Variants in UBE2H observed in about 807,000 individuals in gnomAD.
UBE2H encodes the protein ubiquitin-conjugating enzyme E2 H.
UBE2H carries 3 observed loss-of-function variants against 29.0 expected under a neutral mutation model. That is an observed-to-expected ratio of 0.10 (90% confidence interval 0.05 to 0.27). UBE2H has a LOEUF of 0.27. Among genes scored for constraint, UBE2H ranks in the 10% least tolerant of loss-of-function variants. UBE2H has a pLI of 1.00. For missense variants in UBE2H, 68 were observed against 228.2 expected (o/e 0.30, Z 4.52); for synonymous variants, 69 against 82.9 (o/e 0.83, Z 0.91).
chr7:129,927,798 C>G (rs767151498), intron 1 of UBE2H, among the ~76,000 whole-genome samples: 1 of 151,990 alleles, frequency 6.6e-6, no homozygotes, highest in Non-Finnish European at 1.5e-5. Flanking sequence ...ATAGTGGTTA[C>G]TAGAGTCTGG....
At chr7:129,915,293 T>C (rs962181830) in intron 1 of UBE2H, among the ~76,000 whole-genome samples, 1 of 152,054 alleles carries the variant, frequency 6.6e-6, no homozygotes, top group African/African-American at 2.4e-5. Context: ...TCCCAGCACT[T>C]TGAGAGGTTG....
At chr7:129,839,623 T>C (rs1434800791) in intron 5 of UBE2H, 1 of 311,230 alleles carries the variant, frequency 3.2e-6, no homozygotes, top group Non-Finnish European at 6.0e-6. Context: ...CACACAGCCA[T>C]TTTCTACAGC....
chr7:129,920,848 C>CAAAAAAAAAAAAAAAAA (rs11347186), intron 1 of UBE2H, among the ~76,000 whole-genome samples: 5 of 73,998 alleles, frequency 6.8e-5, no homozygotes, highest in East Asian at 4.8e-4. Context: ...TAGAAAAAGT[C>CAAAAAAAAAAAAAAAAA]AAAAAAAAAA....
chr7:129,902,028 A>G (rs1327292889), intron 1 of UBE2H, among the ~76,000 whole-genome samples: 2 of 152,204 alleles, frequency 1.3e-5, no homozygotes, highest in African/African-American at 2.4e-5. Flanking sequence ...CCAACAGACA[A>G]CATTAAGTGT....
intron 1 of UBE2H, among the ~76,000 whole-genome samples, chr7:129,927,653 A>G (rs1300950658): frequency 6.6e-6 from 1 of 152,270 alleles, no homozygotes; most frequent in African/African-American, 2.4e-5. Flanking sequence ...ACCACATCTT[A>G]TAATTCCCAG....
chr7:129,837,789 A>C (rs1012913619), intron 6 of UBE2H, among the ~76,000 whole-genome samples: 4 of 152,202 alleles, frequency 2.6e-5, no homozygotes, highest in African/African-American at 9.6e-5. Context: ...TCTGATGGCC[A>C]TGATTTTCTG....
At chr7:129,942,543 T>C (rs1807669237) in intron 1 of UBE2H, among the ~76,000 whole-genome samples, 1 of 152,162 alleles carries the variant, frequency 6.6e-6, no homozygotes, top group African/African-American at 2.4e-5. Flanking sequence ...CTAACTCTTA[T>C]AGTCTGTTTC....
chr7:129,836,632 C>T (rs187853109), intron 6 of UBE2H, among the ~76,000 whole-genome samples: 103 of 152,254 alleles, frequency 6.8e-4, no homozygotes, highest in Middle Eastern at 3.4e-3. Flanking sequence ...GTAAACCCAG[C>T]ACTTTGGGAG....
intron 1 of UBE2H, among the ~76,000 whole-genome samples, chr7:129,887,857 TG>T (rs751805155): frequency 2.0e-5 from 3 of 152,058 alleles, no homozygotes; most frequent in Non-Finnish European, 4.4e-5. Context: ...CACTCCAGCC[TG>T]GGCAACAAGA....
rs1475388696 is a variant in UBE2H, at chr7:129,831,597, T to C, written c.*3340A>G. The C allele has an allele frequency of 6.6e-6, 1 of 152,046 alleles. No individual in the cohort carries two copies. The highest frequency in any genetic ancestry group is 1.5e-5 in the Non-Finnish European group (1 of 67,998). 9.4% of individuals were successfully genotyped at this position (152,046 alleles called of 1,614,324 possible). ...CAGTCAGAACAGCTTTTGAAGTGGATGAGAAATGTTAGGTACTGGAGAGAT... is the reference window on the plus strand; with the variant it reads ...CAGTCAGAACAGCTTTTGAAGTGGACGAGAAATGTTAGGTACTGGAGAGAT... On this transcript the variant is annotated 3_prime_UTR_variant, in exon 7 of 7. Coordinates refer to ENST00000355621, the MANE Select transcript of UBE2H (RefSeq NM_003344.4).
At chr7:129,867,723 C>CAAAAAAAAAAAAAAAAAAAAAAAAAAAA (rs1563027569) in intron 3 of UBE2H, among the ~76,000 whole-genome samples, 4 of 65,556 alleles carry the variant, frequency 6.1e-5, no homozygotes, top group Admixed American at 1.9e-4. Context: ...AAAAAGAAAA[C>CAAAAAAAAAAAAAAAAAAAAAAAAAAAA]CAAAAAAAAA....
intron 5 of UBE2H, among the ~76,000 whole-genome samples, chr7:129,841,215 G>GT (rs1354710821): frequency 6.6e-6 from 1 of 152,186 alleles, no homozygotes; most frequent in African/African-American, 2.4e-5. Context: ...CTCTGCCACT[G>GT]TAACACAAAA....
chr7:129,882,497 G>T (rs1806275437), intron 1 of UBE2H, among the ~76,000 whole-genome samples: 6 of 152,222 alleles, frequency 3.9e-5, no homozygotes, highest in Admixed American at 3.9e-4. Flanking sequence ...AAGAGGCCAG[G>T]TGTAATTTTG....
At chr7:129,925,259 AT>A (rs1807242786) in intron 1 of UBE2H, among the ~76,000 whole-genome samples, 3 of 152,192 alleles carry the variant, frequency 2.0e-5, no homozygotes, top group South Asian at 4.2e-4. Context: ...GACGAAGAGA[AT>A]TGCTTGAATC....
At chr7:129,952,467 C>G (rs369732926) in intron 1 of UBE2H, 36 bp downstream of exon 1, 9 of 1,607,714 alleles carry the variant, frequency 5.6e-6, no homozygotes, top group East Asian at 2.2e-5. Context: ...ACACCGCCCC[C>G]CACACACAGC....
intron 3 of UBE2H, among the ~76,000 whole-genome samples, chr7:129,879,046 C>T (rs887322148): frequency 5.3e-5 from 8 of 152,102 alleles, no homozygotes; most frequent in African/African-American, 1.9e-4. Context: ...CTTTGTACAA[C>T]CCCACTGAGG....
chr7:129,913,252 C>CAAAAAAAAAAAAAAAAAAAAAAACAAAAA (rs59869623), intron 1 of UBE2H, among the ~76,000 whole-genome samples: 1 of 75,544 alleles, frequency 1.3e-5, no homozygotes. Context: ...AACTCCGTCT[C>CAAAAAAAAAAAAAAAAAAAAAAACAAAAA]AAAAAAAAAA....
intron 1 of UBE2H, among the ~76,000 whole-genome samples, chr7:129,916,906 G>A (rs989027834): frequency 4.6e-5 from 7 of 152,052 alleles, no homozygotes; most frequent in South Asian, 4.1e-4. Flanking sequence ...GAGTGGTGGC[G>A]GGCGCCTGTA....
In UBE2H at chr7:129,925,151, C is replaced by A. The variant is rs1468681202; in HGVS notation, c.53+27352G>T. 3.3e-5 allele frequency among the ~76,000 whole-genome samples: 5 copies of A among 151,960 alleles called. No homozygotes were observed. The South Asian group carries it at 1.0e-3, about 32-fold the overall frequency. ...GATCACGAGGTCAGGAGTTCAAGACCAGCCTGGCCAAGATGGAGAAACCCC... is the reference window on the plus strand; with the variant it reads ...GATCACGAGGTCAGGAGTTCAAGACAAGCCTGGCCAAGATGGAGAAACCCC... On this transcript the variant is annotated intron_variant, in intron 1 of 6. Transcript: ENST00000355621.
Sources: allele counts gnomAD v4.1 joint callset (sites outside exome capture counted in the v4.1 genomes callset), GRCh38; gene constraint gnomAD v4.1.1; transcripts MANE v1.5; gene names NCBI Gene and HGNC (gene_info 2026-07-23, HGNC 2026-07-21).